ANO10: variants seen among roughly 807,000 people sequenced by gnomAD.
ANO10 encodes anoctamin-10.
In ANO10, 77 loss-of-function variants were observed where a neutral mutation model predicts 74.7. That is an observed-to-expected ratio of 1.03 (90% confidence interval 0.86 to 1.25). ANO10 has a LOEUF of 1.25. Ranked by LOEUF, ANO10 falls within the 50% of genes most tolerant of loss-of-function variation. The pLI is 0.00. For synonymous variants in ANO10, 279 were observed against 284.9 expected (o/e 0.98, Z 0.21); for missense variants, 721 against 778.1 (o/e 0.93, Z 0.87).
At chr3:43,432,944 C>CTTTTTTGTTTTTTTTTT (rs2093008715) in intron 11 of ANO10, among the ~76,000 whole-genome samples, 1 of 55,276 alleles carries the variant, frequency 1.8e-5, no homozygotes, top group Non-Finnish European at 3.3e-5. Flanking sequence ...TTGCTTAATT[C>CTTTTTTGTTTTTTTTTT]TTTTTTTTTT....
At chr3:43,488,685 G>A (rs1444800909) in intron 11 of ANO10, among the ~76,000 whole-genome samples, 2 of 150,426 alleles carry the variant, frequency 1.3e-5, no homozygotes, top group Non-Finnish European at 3.0e-5. Flanking sequence ...TGCTGGAGAG[G>A]ATGTGGAGAA....
chr3:43,643,974 G>A (rs1441485038), intron 1 of ANO10, among the ~76,000 whole-genome samples: 1 of 152,090 alleles, frequency 6.6e-6, no homozygotes, highest in Non-Finnish European at 1.5e-5. Flanking sequence ...GTGAGCCACC[G>A]CTGAGATAAC....
chr3:43,675,881 T>C lies in ANO10; in HGVS notation c.-12+15636A>G, dbSNP rs573762418. ...TTGGTGACTTTTAAAAAACAAAACA[T>C]GCAACTATTATATGACCCAGCAATT... On this transcript the variant is annotated intron_variant, in intron 1 of 3. Transcript: ENST00000413397. Among the ~76,000 whole-genome samples the C allele has an allele frequency of 2.0e-5, 3 of 152,294 alleles. No homozygotes were observed. The South Asian group carries it at 6.2e-4, about 32-fold the overall frequency.
chr3:43,490,957 G>A (rs1474055197), intron 11 of ANO10, among the ~76,000 whole-genome samples: 1 of 152,154 alleles, frequency 6.6e-6, no homozygotes, highest in Admixed American at 6.5e-5. Context: ...GCAGCTTCCC[G>A]ATAAGATCTC....
In ANO10 at chr3:43,618,632, T is replaced by C. The variant is rs186134920; in HGVS notation, c.-12+3277A>G. Among the ~76,000 whole-genome samples, 57 of 152,282 alleles carry C rather than the reference T, an allele frequency of 3.7e-4. 2 individuals are homozygous for C. In the East Asian group the frequency reaches 9.7e-3, roughly 26 times the overall value. ...TCTTTCCTCCAAAAGACCCAGGGAC[T>C]GGAGTCAGCATCTGGCACTCTGTTT... On this transcript the variant is annotated intron_variant, in intron 1 of 12. Coordinates refer to ENST00000292246, the MANE Select transcript of ANO10 (RefSeq NM_018075.5).
chr3:43,512,913 C>CA (rs1398136023), intron 11 of ANO10, among the ~76,000 whole-genome samples: 2 of 152,174 alleles, frequency 1.3e-5, no homozygotes, highest in Non-Finnish European at 2.9e-5. Flanking sequence ...ACTGCCTAGA[C>CA]AAAGTCTCCA....
chr3:43,622,223 G>GC (rs2149553231), upstream of ANO10, among the ~76,000 whole-genome samples: 1 of 152,326 alleles, frequency 6.6e-6, no homozygotes, highest in South Asian at 2.1e-4. Flanking sequence ...AAAAAAGGCA[G>GC]CCCTCATTGG....
chr3:43,519,084 T>A (rs2077836793), intron 11 of ANO10, among the ~76,000 whole-genome samples: 1 of 152,158 alleles, frequency 6.6e-6, no homozygotes, highest in East Asian at 1.9e-4. Flanking sequence ...CACCCAGCTT[T>A]AAAATTTCTC....
chr3:43,594,524 T>C (rs1046145063), intron 4 of ANO10, among the ~76,000 whole-genome samples: 6 of 151,982 alleles, frequency 3.9e-5, no homozygotes, highest in Non-Finnish European at 2.9e-5. Flanking sequence ...GGGTACAAAA[T>C]GAAATGAAGG....
At chr3:43,595,833 T>C (rs1416187574) in intron 4 of ANO10, among the ~76,000 whole-genome samples, 2 of 152,112 alleles carry the variant, frequency 1.3e-5, no homozygotes, top group Admixed American at 1.3e-4. Context: ...TCCCTGTTTG[T>C]AGATAACATG....
intron 4 of ANO10, among the ~76,000 whole-genome samples, chr3:43,597,461 A>G (rs1407497702): frequency 6.6e-6 from 1 of 152,174 alleles, no homozygotes; most frequent in African/African-American, 2.4e-5. Context: ...TGTCCTTTGT[A>G]GGGACATGGA....
At chr3:43,568,103 G>A (rs1407996848) in intron 7 of ANO10, among the ~76,000 whole-genome samples, 2 of 152,138 alleles carry the variant, frequency 1.3e-5, no homozygotes, top group African/African-American at 4.8e-5. Flanking sequence ...TTACATAATG[G>A]TAAAGGGATC....
intron 1 of ANO10, among the ~76,000 whole-genome samples, chr3:43,646,149 C>T (rs979769163): frequency 1.3e-5 from 2 of 152,144 alleles, no homozygotes; most frequent in Admixed American, 1.3e-4. Context: ...TGGAAAACGT[C>T]TGTGGGAAGT....
chr3:43,614,877 C>T (rs1161460713), intron 1 of ANO10, among the ~76,000 whole-genome samples: 1 of 145,312 alleles, frequency 6.9e-6, no homozygotes, highest in African/African-American at 2.5e-5. Context: ...AAGTTCATTA[C>T]AGATTTTTAT....
chr3:43,669,091 A>T (rs1306586481), intron 1 of ANO10, among the ~76,000 whole-genome samples: 1 of 152,060 alleles, frequency 6.6e-6, no homozygotes, highest in Non-Finnish European at 1.5e-5. Context: ...AACCTTCACC[A>T]GTGCTTCTCA....
intron 11 of ANO10, among the ~76,000 whole-genome samples, chr3:43,436,660 G>A (rs188468631): frequency 4.6e-5 from 7 of 152,274 alleles, no homozygotes; most frequent in Non-Finnish European, 7.3e-5. Context: ...GTTTTCCAGT[G>A]CCAGCAGTAA....
At chr3:43,629,377 T>C (rs2083524547) in intron 1 of ANO10, among the ~76,000 whole-genome samples, 1 of 152,230 alleles carries the variant, frequency 6.6e-6, no homozygotes, top group Admixed American at 6.5e-5. Flanking sequence ...ATGAAGATAG[T>C]CATGTGATTT....
intron 1 of ANO10, among the ~76,000 whole-genome samples, chr3:43,652,752 C>A (rs1418078189): frequency 1.3e-5 from 2 of 151,632 alleles, no homozygotes; most frequent in African/African-American, 4.9e-5. Flanking sequence ...CCTTTCAAAG[C>A]ATGTTATCAA....
At chr3:43,558,110 G>GAAA (rs781606523) in intron 9 of ANO10, among the ~76,000 whole-genome samples, 1 of 55,900 alleles carries the variant, frequency 1.8e-5, no homozygotes, top group African/African-American at 5.8e-5. Flanking sequence ...TGTCTCACCA[G>GAAA]AAAAAAAAAA....
Sources: gnomAD v4.1 joint callset for allele counts (sites outside exome capture counted in the v4.1 genomes callset) on GRCh38, gnomAD v4.1.1 for gene constraint, MANE v1.5 for transcripts, NCBI Gene and HGNC (gene_info 2026-07-23, HGNC 2026-07-21) for gene names.